The following SBF2 variants were observed in gnomAD, a reference collection of about 807,000 sequenced individuals.
The protein encoded by SBF2 is myotubularin-related protein 13.
Under a neutral mutation model 225.2 loss-of-function variants are expected in SBF2, and 112 were observed. That is an observed-to-expected ratio of 0.50 (90% CI 0.43 to 0.58). SBF2 has a LOEUF of 0.58. Ranked by LOEUF, SBF2 falls within the 20% of genes least tolerant of loss-of-function variation. SBF2 has a pLI of 0.00. For missense variants in SBF2, 1,996 were observed against 2,206.2 expected (o/e 0.90, Z 1.91); for synonymous variants, 763 against 773.3 (o/e 0.99, Z 0.22).
chr11:9,886,992 C>T (rs552323572), intron 17 of SBF2, among the ~76,000 whole-genome samples: 4 of 152,146 alleles, frequency 2.6e-5, no homozygotes, highest in South Asian at 2.1e-4. Context: ...ATACTCAGGA[C>T]GTGGTAGCAT....
intron 2 of SBF2, among the ~76,000 whole-genome samples, chr11:10,049,229 T>C (rs1949976984): frequency 6.6e-6 from 1 of 152,242 alleles, no homozygotes; most frequent in Non-Finnish European, 1.5e-5. Context: ...GAAAAGATGG[T>C]TATTTTTCAT....
At chr11:9,810,506 A>C in intron 30 of SBF2, 1 of 152,222 alleles carries the variant, frequency 6.6e-6, no homozygotes, top group East Asian at 1.9e-4. Context: ...ATTTGAATCC[A>C]ACTCTGAACA....
intron 2 of SBF2, among the ~76,000 whole-genome samples, chr11:10,074,090 C>A (rs570434122): frequency 6.6e-6 from 1 of 152,108 alleles, no homozygotes; most frequent in Non-Finnish European, 1.5e-5. Flanking sequence ...GTTTGCTTCA[C>A]AATAATCCAA....
chr11:10,130,127 C>T (rs1293977385), intron 2 of SBF2, among the ~76,000 whole-genome samples: 1 of 152,120 alleles, frequency 6.6e-6, no homozygotes, highest in Non-Finnish European at 1.5e-5. Context: ...CTTTGGGAGG[C>T]CGAGGTGGGC....
intron 2 of SBF2, among the ~76,000 whole-genome samples, chr11:10,049,553 G>A (rs1348457552): frequency 1.3e-5 from 2 of 152,066 alleles, no homozygotes; most frequent in Non-Finnish European, 2.9e-5. Context: ...GTTGCAGTGA[G>A]CAAAGATCGC....
chr11:10,247,019 C>A (rs557424379), intron 1 of SBF2, among the ~76,000 whole-genome samples: 1 of 151,998 alleles, frequency 6.6e-6, no homozygotes, highest in Non-Finnish European at 1.5e-5. Context: ...CCCAGATGTT[C>A]GAAGTAAAAG....
chr11:10,247,667 G>A (rs1959943165), intron 1 of SBF2, among the ~76,000 whole-genome samples: 1 of 151,998 alleles, frequency 6.6e-6, no homozygotes, highest in Non-Finnish European at 1.5e-5. Context: ...TGTACTCCAG[G>A]CCTGGGTGAA....
chr11:10,206,767 T>C (rs1274325008), intron 1 of SBF2, among the ~76,000 whole-genome samples: 1 of 151,932 alleles, frequency 6.6e-6, no homozygotes, highest in African/African-American at 2.4e-5. Context: ...GAACTTGAGG[T>C]GAAATCAGTA....
At chr11:9,881,771 T>C (rs1322302305) in intron 17 of SBF2, among the ~76,000 whole-genome samples, 2 of 151,630 alleles carry the variant, frequency 1.3e-5, no homozygotes, top group Non-Finnish European at 2.9e-5. Context: ...GTTGATTTTG[T>C]AAGGAAAACA....
At chr11:9,911,787 T>C (rs996210559) in intron 16 of SBF2, among the ~76,000 whole-genome samples, 3 of 152,222 alleles carry the variant, frequency 2.0e-5, no homozygotes, top group African/African-American at 7.2e-5. Context: ...TATGTGTAGA[T>C]ATGTTTAGAT....
At chr11:10,231,295 C>G (rs916216835) in intron 1 of SBF2, among the ~76,000 whole-genome samples, 1 of 151,994 alleles carries the variant, frequency 6.6e-6, no homozygotes, top group Non-Finnish European at 1.5e-5. Flanking sequence ...TCTTCTGAAG[C>G]CTTCTCTCAA....
intron 2 of SBF2, among the ~76,000 whole-genome samples, chr11:10,068,659 C>G (rs1053109002): frequency 6.6e-6 from 1 of 152,002 alleles, no homozygotes; most frequent in Non-Finnish European, 1.5e-5. Context: ...TAGTACCTAG[C>G]AAAGAGTAAA....
chr11:10,194,817 C>T (rs940629212), intron 1 of SBF2, among the ~76,000 whole-genome samples: 1 of 152,108 alleles, frequency 6.6e-6, no homozygotes, highest in East Asian at 1.9e-4. Context: ...GGCCATTATT[C>T]TGTAAGACTG....
Position 9,993,225 on chromosome 11 carries a change from T to C in SBF2, c.1054-122A>G, listed in dbSNP as rs539299464. On this transcript the variant is annotated intron_variant, in intron 10 of 39. Transcript: ENST00000256190. Reference sequence around the variant, plus strand: ...TTGATTTTTATATCCACCAAAACAATTACAGTCACAACCAAACATAAGAAG... The same window carrying C: ...TTGATTTTTATATCCACCAAAACAACTACAGTCACAACCAAACATAAGAAG... The C allele has an allele frequency of 1.4e-4, 100 of 701,070 alleles. 1 individual carries two copies. The South Asian group carries it at 1.5e-3, about 11-fold the overall frequency. The allele number at this position is 701,070 out of a possible 1,614,324, so 43.4% of individuals were successfully genotyped here.
At chr11:10,122,574 T>C (rs1435244091) in intron 2 of SBF2, among the ~76,000 whole-genome samples, 1 of 152,196 alleles carries the variant, frequency 6.6e-6, no homozygotes, top group Non-Finnish European at 1.5e-5. Context: ...AAGCAAACTA[T>C]AAAAAACTAA....
At chr11:10,108,588 G>A (rs368924296) in intron 2 of SBF2, among the ~76,000 whole-genome samples, 123 of 136,400 alleles carry the variant, frequency 9.0e-4, no homozygotes, top group Middle Eastern at 9.3e-3. Context: ...GCAGTGGCGC[G>A]ATCTCGGCTC....
intron 30 of SBF2, 127 bp from the exon 31 acceptor site, chr11:9,809,129 T>A: frequency 3.0e-6 from 2 of 677,966 alleles, no homozygotes; most frequent in Middle Eastern, 2.5e-4. Context: ...AAGAACCACA[T>A]AATGTTTTAA....
chr11:10,262,141 T>A (rs367920582), intron 1 of SBF2, among the ~76,000 whole-genome samples: 1 of 152,114 alleles, frequency 6.6e-6, no homozygotes, highest in African/African-American at 2.4e-5. Context: ...GTTAATTATA[T>A]GCATGCCAAA....
intron 2 of SBF2, among the ~76,000 whole-genome samples, chr11:10,146,261 C>T (rs189493466): frequency 1.3e-5 from 2 of 152,066 alleles, no homozygotes; most frequent in Non-Finnish European, 2.9e-5. Context: ...CCAGAATAAC[C>T]AAGGCAAATC....
Sources: allele counts gnomAD v4.1 joint callset (sites outside exome capture counted in the v4.1 genomes callset), GRCh38; gene constraint gnomAD v4.1.1; transcripts MANE v1.5; gene names NCBI Gene and HGNC (gene_info 2026-07-23, HGNC 2026-07-21).